ARHGAP19: variants seen among roughly 807,000 people sequenced by gnomAD.
ARHGAP19 encodes the protein rho GTPase-activating protein 19.
Under a neutral mutation model 60.9 loss-of-function variants are expected in ARHGAP19, and 48 were observed. The ratio of observed to expected loss-of-function variants is 0.79; its 90% CI spans 0.62 to 1.00. ARHGAP19 has a LOEUF of 1.00. Among genes scored for constraint, ARHGAP19 ranks in the 50% least tolerant of loss-of-function variants. The pLI, the probability that ARHGAP19 is intolerant of heterozygous loss-of-function variation, is 0.00. For synonymous variants in ARHGAP19, 209 were observed against 215.5 expected (o/e 0.97, Z 0.27); for missense variants, 562 against 597.2 (o/e 0.94, Z 0.61).
In ARHGAP19 at chr10:97,231,059, CAAAAAAAAAAAAAAAA is replaced by C. The variant is rs869291841; in HGVS notation, c.1285-1201_1285-1186del. Among the ~76,000 whole-genome samples, 563 of 59,786 alleles carry C rather than the reference CAAAAAAAAAAAAAAAA, an allele frequency of 9.4e-3. 9 individuals carry two copies. Among genetic ancestry groups the C allele is most frequent in the African/African-American group, 0.038 (540 of 14,312 alleles). The allele number at this position is 59,786 out of a possible 152,430, so 39.2% of individuals were successfully genotyped here. A position where few individuals can be genotyped will look rare whatever the true frequency, so the allele number is the denominator to read the frequency against. On this transcript the variant is annotated intron_variant, in intron 9 of 11. Coordinates refer to ENST00000358531, the MANE Select transcript of ARHGAP19 (RefSeq NM_032900.6). ...ACACCTAGTGAGACTCTTGTCTCAC[CAAAAAAAAAAAAAAAA>C]AAAAAAAAAAAAAAGACTAACACAT... is the stretch of plus-strand genomic sequence containing the variant.
chr10:97,267,842 T>C (rs973350108), intron 1 of ARHGAP19, among the ~76,000 whole-genome samples: 9 of 152,238 alleles, frequency 5.9e-5, no homozygotes, highest in Non-Finnish European at 1.3e-4. Context: ...AGCAAGGCCC[T>C]GGGCCCAGCC....
chr10:97,271,852 T>C (rs1489148466), intron 1 of ARHGAP19, among the ~76,000 whole-genome samples: 1 of 151,868 alleles, frequency 6.6e-6, no homozygotes, highest in Non-Finnish European at 1.5e-5. Context: ...CAAATACTTA[T>C]CAAAAATTTT....
intron 7 of ARHGAP19, among the ~76,000 whole-genome samples, chr10:97,244,940 A>T (rs1475988868): frequency 6.6e-6 from 1 of 151,746 alleles, no homozygotes; most frequent in Non-Finnish European, 1.5e-5. Context: ...AAGGCTTAGA[A>T]CAGGAAAGAA....
At chr10:97,283,229 G>C (rs1178331002) in intron 1 of ARHGAP19, among the ~76,000 whole-genome samples, 1 of 152,130 alleles carries the variant, frequency 6.6e-6, no homozygotes, top group African/African-American at 2.4e-5. Flanking sequence ...ATAGGCTCCA[G>C]CATCTGTAGA....
rs1850858783 is a variant in ARHGAP19, at chr10:97,224,415, C to T, written c.*1707G>A. 1 of 152,188 alleles carries T rather than the reference C, an allele frequency of 6.6e-6. No homozygotes were observed. The highest frequency in any genetic ancestry group is 2.1e-4 in the South Asian group (1 of 4,834). The allele number at this position is 152,188 out of a possible 1,614,324, so 9.4% of individuals were successfully genotyped here. A position where few individuals can be genotyped will look rare whatever the true frequency, so the allele number is the denominator to read the frequency against. The stretch of plus-strand genomic sequence containing the variant: ...TGTTTTTACAAATGACATAAAACTG[C>T]TCTAGAGAAAGGGGCTTCTAAGCAG... On this transcript the variant is annotated 3_prime_UTR_variant, in exon 12 of 12. Coordinates refer to ENST00000358531, the MANE Select transcript of ARHGAP19 (RefSeq NM_032900.6).
At chr10:97,229,665 G>A (rs956113349) in intron 10 of ARHGAP19, 99 bp downstream of exon 10, 2 of 893,628 alleles carry the variant, frequency 2.2e-6, no homozygotes, top group African/African-American at 1.7e-5. Context: ...CATTTGAATG[G>A]CCCAAAGAAA....
chr10:97,285,362 G>A (rs373189854), intron 1 of ARHGAP19, among the ~76,000 whole-genome samples: 32 of 151,202 alleles, frequency 2.1e-4, no homozygotes, highest in Middle Eastern at 6.8e-3. Context: ...TTAACAACAG[G>A]GTCTCAGTCA....
intron 6 of ARHGAP19, among the ~76,000 whole-genome samples, chr10:97,248,498 T>C (rs1842595745): frequency 6.6e-6 from 1 of 152,128 alleles, no homozygotes; most frequent in South Asian, 2.1e-4. Context: ...AAAAGTTGCG[T>C]AGTATTAAAT....
intron 1 of ARHGAP19, among the ~76,000 whole-genome samples, chr10:97,278,359 T>C (rs1004472482): frequency 1.3e-5 from 2 of 152,248 alleles, no homozygotes; most frequent in African/African-American, 4.8e-5. Flanking sequence ...TTTGGGATTA[T>C]GTTTCTTTTT....
chr10:97,256,842 C>T (rs759946217), intron 5 of ARHGAP19, among the ~76,000 whole-genome samples: 8 of 152,174 alleles, frequency 5.3e-5, no homozygotes, highest in African/African-American at 7.2e-5. Context: ...AGTAAAATTA[C>T]CGGGCGTGGT....
chr10:97,240,195 G>A (rs11189053), intron 8 of ARHGAP19, among the ~76,000 whole-genome samples: 1 of 150,714 alleles, frequency 6.6e-6, no homozygotes, highest in Non-Finnish European at 1.5e-5. Flanking sequence ...ACACGTAGCA[G>A]CCAAAAAAAT....
chr10:97,280,808 C>G (rs915943945), intron 1 of ARHGAP19, among the ~76,000 whole-genome samples: 1 of 152,110 alleles, frequency 6.6e-6, no homozygotes, highest in African/African-American at 2.4e-5. Context: ...TAGTCTCAAA[C>G]TCCTGGCCTC....
Position 97,238,380 on chromosome 10 carries a change from C to G in ARHGAP19, c.1186-3065G>C, listed in dbSNP as rs139958621. 7.0e-3 allele frequency among the ~76,000 whole-genome samples: 1,071 copies of G among 152,092 alleles called. 6 individuals are homozygous for G. The highest frequency in any genetic ancestry group is 0.014 in the Admixed American group (220 of 15,246). On this transcript the variant is annotated intron_variant, in intron 8 of 11. Transcript: ENST00000358531. ...GACTACAGGCACACACTAACGAGACCAGTTAATTTTTTTAAATATTTTGTG... is the reference window on the plus strand; with the variant it reads ...GACTACAGGCACACACTAACGAGACGAGTTAATTTTTTTAAATATTTTGTG...
In ARHGAP19 at chr10:97,258,800, CTG is replaced by C. The variant is rs1274112375; in HGVS notation, c.840+600_840+601del. 4 of 152,052 alleles carry C rather than the reference CTG, an allele frequency of 2.6e-5. No individual in the cohort carries two copies. The East Asian group carries it at 5.8e-4, about 22-fold the overall frequency. 9.4% of individuals were successfully genotyped at this position (152,052 alleles called of 1,614,324 possible). A position where few individuals can be genotyped will look rare whatever the true frequency, so the allele number is the denominator to read the frequency against. ...AAAAGACTTCAGAGAATTTATTTCT[CTG>C]TGTTTTTATCCCTCAGGCATTTAAA... On this transcript the variant is annotated intron_variant, in intron 5 of 11. Transcript: ENST00000358531.
At chr10:97,248,300 G>C (rs1842592067) in intron 6 of ARHGAP19, among the ~76,000 whole-genome samples, 1 of 152,084 alleles carries the variant, frequency 6.6e-6, no homozygotes, top group African/African-American at 2.4e-5. Flanking sequence ...TGTAGACCCA[G>C]CTACTCGAGA....
chr10:97,232,373 C>T (rs1391256491), intron 9 of ARHGAP19, among the ~76,000 whole-genome samples: 1 of 151,950 alleles, frequency 6.6e-6, no homozygotes, highest in Non-Finnish European at 1.5e-5. Flanking sequence ...CCGTGTTAGC[C>T]AGAATGGTCT....
intron 3 of ARHGAP19, among the ~76,000 whole-genome samples, chr10:97,264,173 C>T (rs575112742): frequency 1.3e-5 from 2 of 152,278 alleles, no homozygotes; most frequent in Admixed American, 1.3e-4. Flanking sequence ...GTCCCTAGGC[C>T]AGGCTCAATG....
intron 8 of ARHGAP19, among the ~76,000 whole-genome samples, chr10:97,239,309 A>T (rs931379598): frequency 6.6e-6 from 1 of 152,126 alleles, no homozygotes; most frequent in African/African-American, 2.4e-5. Flanking sequence ...CCTGGCCAAC[A>T]TGGTGAAACC....
chr10:97,235,224 A>G lies in ARHGAP19; in HGVS notation c.1277T>C (p.Leu426Pro). The part of the protein sequence containing the change: ...KRARSRSFSG[L>P]IKRKVLGNQM... Reference sequence around the variant, plus strand: ...ACAGCCCAGCATACCTACCTTAATAAGCCCACTGAAGGAGCGCGAACGAGC... The same window carrying G: ...ACAGCCCAGCATACCTACCTTAATAGGCCCACTGAAGGAGCGCGAACGAGC... Residue 426 changes from leucine to proline, a missense_variant, in exon 9 of 12, where the codon CTT (leucine) becomes CCT (proline). Coordinates refer to ENST00000358531, the MANE Select transcript of ARHGAP19 (RefSeq NM_032900.6). 1.2e-6 allele frequency: 2 copies of G among 1,611,204 alleles called. No homozygotes were observed. The highest frequency in any genetic ancestry group is 8.5e-7 in the Non-Finnish European group (1 of 1,177,628).
Sources: gnomAD v4.1 joint callset for allele counts (sites outside exome capture counted in the v4.1 genomes callset) on GRCh38, gnomAD v4.1.1 for gene constraint, MANE v1.5 for transcripts, NCBI Gene and HGNC (gene_info 2026-07-23, HGNC 2026-07-21) for gene names.